Variants in EDEM2 observed in about 807,000 individuals in gnomAD.
EDEM2 encodes the protein ER degradation enhancing alpha-mannosidase like protein 2, also known as ER degradation-enhancing alpha-mannosidase-like protein 2.
Under a neutral mutation model 64.8 loss-of-function variants are expected in EDEM2, and 39 were observed. The observed-to-expected ratio is 0.60, with a 90% confidence interval of 0.47 to 0.79. EDEM2 has a LOEUF of 0.79. Among genes scored for constraint, EDEM2 ranks in the 30% least tolerant of loss-of-function variants. EDEM2 has a pLI of 0.00. For synonymous variants in EDEM2, 296 were observed against 291.5 expected, an observed-to-expected ratio of 1.02 and a Z score of -0.16; for missense variants, 609 against 731.3, an observed-to-expected ratio of 0.83 and a Z score of 1.93.
At chr20:35,131,610 G>C (rs1274373493) in intron 7 of EDEM2, 32 bp downstream of exon 7, 2 of 1,599,224 alleles carry the variant, frequency 1.3e-6, no homozygotes, top group East Asian at 4.5e-5. Context: ...AGAAAAATGA[G>C]GGGAAAAGCT....
chr20:35,140,587 T>A (rs762542405), intron 4 of EDEM2, among the ~76,000 whole-genome samples: 10 of 152,282 alleles, frequency 6.6e-5, no homozygotes, highest in Middle Eastern at 3.4e-3. Context: ...AACTAAAATA[T>A]ATAACTGTAG....
rs1453048494 is a variant in EDEM2, at chr20:35,131,769, A to G, written c.717T>C (p.Ile239=). 6.2e-7 allele frequency: 1 copy of G among 1,613,820 alleles called. No homozygotes were observed. Among genetic ancestry groups the G allele is most frequent in the Admixed American group, 1.7e-5 (1 of 59,998 alleles). Residue 239 remains isoleucine, a synonymous_variant, in exon 7 of 11, where the codon ATT becomes ATC. Coordinates refer to ENST00000374492, the MANE Select transcript of EDEM2 (RefSeq NM_018217.3). The part of the protein sequence containing the change: ...RSDIGLVGNH[I]DVLTGKWVAQ... ...CCACCCACTTGCCAGTGAGCACATC[A>G]ATGTGGTTGCCGACCTGAGAGAGAG...
intron 6 of EDEM2, among the ~76,000 whole-genome samples, chr20:35,132,397 A>G (rs374035390): frequency 1.2e-4 from 18 of 152,132 alleles, no homozygotes; most frequent in African/African-American, 4.1e-4. Flanking sequence ...TCATGCCTAT[A>G]ATCCCAGCAC....
chr20:35,128,042 C>T lies in EDEM2; in HGVS notation c.845-1667G>A, dbSNP rs193156042. Among the ~76,000 whole-genome samples, 44 of 152,238 alleles carry T rather than the reference C, an allele frequency of 2.9e-4. No homozygotes were observed. The East Asian group carries it at 7.3e-3, about 25-fold the overall frequency. On this transcript the variant is annotated intron_variant, in intron 7 of 10. Coordinates refer to ENST00000374492, the MANE Select transcript of EDEM2 (RefSeq NM_018217.3). ...GATATTTAATAAACAACCATTTACG[C>T]GTTTATGTATTTACTATATTATTAT...
intron 10 of EDEM2, among the ~76,000 whole-genome samples, chr20:35,116,669 C>A (rs2085313105): frequency 6.6e-6 from 1 of 152,170 alleles, no homozygotes; most frequent in Non-Finnish European, 1.5e-5. Flanking sequence ...TTTATCCCAA[C>A]TTTTTGTGAC....
intron 4 of EDEM2, among the ~76,000 whole-genome samples, chr20:35,141,639 A>C (rs11906318): frequency 0.14 from 20,784 of 152,228 alleles, 1,749 homozygotes; most frequent in African/African-American, 0.24. Context: ...ACAGCTGTTA[A>C]GTGGTCTAGA....
intron 8 of EDEM2, among the ~76,000 whole-genome samples, chr20:35,124,378 C>T (rs899118042): frequency 6.6e-6 from 1 of 152,184 alleles, no homozygotes; most frequent in Non-Finnish European, 1.5e-5. Flanking sequence ...CTCACTCCCA[C>T]ACCACACCCC....
At chr20:35,119,182 A>G (rs2085341080) in intron 9 of EDEM2, among the ~76,000 whole-genome samples, 1 of 152,076 alleles carries the variant, frequency 6.6e-6, no homozygotes, top group East Asian at 1.9e-4. Context: ...TTAAGCTACT[A>G]TTTTTTTTCC....
intron 4 of EDEM2, among the ~76,000 whole-genome samples, chr20:35,139,667 G>T (rs1277397383): frequency 6.9e-6 from 1 of 145,848 alleles, no homozygotes; most frequent in South Asian, 2.2e-4. Context: ...AAAAAAAAAA[G>T]AAAAGAAAGA....
intron 4 of EDEM2, among the ~76,000 whole-genome samples, chr20:35,140,460 AGAGT>A (rs1241091324): frequency 1.3e-5 from 2 of 152,234 alleles, no homozygotes; most frequent in Non-Finnish European, 2.9e-5. Context: ...CCTGGGTGGC[AGAGT>A]GAGACTCTAT....
intron 3 of EDEM2, among the ~76,000 whole-genome samples, chr20:35,143,598 T>G (rs918756069): frequency 6.6e-6 from 1 of 152,206 alleles, no homozygotes; most frequent in Non-Finnish European, 1.5e-5. Flanking sequence ...TCTCTCTTCT[T>G]TTGATAGTAA....
In EDEM2 at chr20:35,123,602, A is replaced by C. The variant is rs2085394417; in HGVS notation, c.1114+288T>G. Among the ~76,000 whole-genome samples the C allele has an allele frequency of 3.3e-5, 5 of 152,150 alleles. 1 individual carries two copies. The South Asian group carries it at 1.0e-3, about 32-fold the overall frequency. On this transcript the variant is annotated intron_variant, in intron 9 of 10. Coordinates refer to ENST00000374492, the MANE Select transcript of EDEM2 (RefSeq NM_018217.3). ...AGCGAAACTCCATCTCAAAAAAATA[A>C]AAATAAAAAAGAGCATGCAATTTAG...
At chr20:35,141,673 G>A (rs1235416975) in intron 4 of EDEM2, among the ~76,000 whole-genome samples, 1 of 152,164 alleles carries the variant, frequency 6.6e-6, no homozygotes, top group Non-Finnish European at 1.5e-5. Context: ...TAAGGGCTGT[G>A]CTGGCTTCAC....
At chr20:35,145,719 G>A (rs568084602) in intron 2 of EDEM2, among the ~76,000 whole-genome samples, 3 of 152,274 alleles carry the variant, frequency 2.0e-5, no homozygotes, top group East Asian at 1.9e-4. Flanking sequence ...CACTTCAAAC[G>A]AGTGTAGGCT....
rs551578700 is a variant in EDEM2 at position 35,121,473 on chromosome 20, C to T, written c.1114+2417G>A. 1.2e-3 allele frequency among the ~76,000 whole-genome samples: 176 copies of T among 152,294 alleles called. 1 individual carries two copies. Among genetic ancestry groups the T allele is most frequent in the Admixed American group, 2.3e-3 (35 of 15,282 alleles). On this transcript the variant is annotated intron_variant, in intron 9 of 10. Coordinates refer to ENST00000374492, the MANE Select transcript of EDEM2 (RefSeq NM_018217.3). ...ATAGATGAAGCTTTGCTTGCTCACA[C>T]GCAGCTCACCTCCTGCTGTGTGGCC...
intron 3 of EDEM2, among the ~76,000 whole-genome samples, chr20:35,144,659 A>G (rs1166955749): frequency 6.6e-6 from 1 of 152,170 alleles, no homozygotes; most frequent in Non-Finnish European, 1.5e-5. Context: ...ATCATTGAAC[A>G]TGGCCACTAG....
chr20:35,131,700 C>T lies in EDEM2; in HGVS notation c.786G>A (p.Glu262=), dbSNP rs983114403. ...GCAGGATGGCTCCTTTCACCAAGTA[C>T]TCAAAGTAGGAGTCCACGCCAGCCC... ...GIGAGVDSYF[E]YLVKGAILLQ... is the part of the protein sequence containing the mutation. Residue 262 remains glutamate, a synonymous_variant, in exon 7 of 11, where the codon GAG becomes GAA. Coordinates refer to ENST00000374492, the MANE Select transcript of EDEM2 (RefSeq NM_018217.3). 5 of 1,614,100 alleles carry T rather than the reference C, an allele frequency of 3.1e-6. No homozygotes were observed. The African/African-American group carries it at 6.7e-5, about 22-fold the overall frequency.
Position 35,131,731 on chromosome 20 carries a change from C to G in EDEM2, c.755G>C (p.Gly252Ala). 6.2e-7 allele frequency: 1 copy of G among 1,614,180 alleles called. No individual in the cohort carries two copies. Among genetic ancestry groups the G allele is most frequent in the Non-Finnish European group, 8.5e-7 (1 of 1,180,022 alleles). Residue 252 changes from glycine (G) to alanine (A), a missense_variant, in exon 7 of 11, where the codon GGC (glycine) becomes GCC (alanine). Gly to Ala is a moderately conservative substitution (Grantham distance 60). Coordinates refer to ENST00000374492, the MANE Select transcript of EDEM2 (RefSeq NM_018217.3). The stretch of plus-strand genomic sequence containing the variant: ...GTAGGAGTCCACGCCAGCCCCGATG[C>G]CTGCGTCCTGGGCCACCCACTTGCC... ...LTGKWVAQDA[G>A]IGAGVDSYFE...
chr20:35,134,253 C>A, intron 6 of EDEM2: 1 of 423,512 alleles, frequency 2.4e-6, no homozygotes, highest in South Asian at 1.7e-5. Context: ...TTTTATTCTG[C>A]TCATGTGCAT....
Sources: allele counts gnomAD v4.1 joint callset (sites outside exome capture counted in the v4.1 genomes callset), GRCh38; gene constraint gnomAD v4.1.1; transcripts MANE v1.5; gene names NCBI Gene and HGNC (gene_info 2026-07-23, HGNC 2026-07-21).